The following MPP7 variants were observed in gnomAD, a reference collection of about 807,000 sequenced individuals.
The protein encoded by MPP7 is MAGUK p55 subfamily member 7.
Under a neutral mutation model 76.5 loss-of-function variants are expected in MPP7, and 60 were observed. The ratio of observed to expected loss-of-function variants is 0.78; its 90% CI spans 0.64 to 0.97. The LOEUF (loss-of-function observed/expected upper bound fraction) is 0.97, where lower values mean the gene tolerates loss of function less well. Ranked by LOEUF, MPP7 falls within the 50% of genes least tolerant of loss-of-function variation. The pLI, the probability that MPP7 is intolerant of heterozygous loss-of-function variation, is 0.00. For missense variants in MPP7, 641 were observed against 694.0 expected (o/e 0.92, Z 0.86); for synonymous variants, 237 against 244.5 (o/e 0.97, Z 0.29).
chr10:28,054,697 G>A (rs1005769085), intron 16 of MPP7, among the ~76,000 whole-genome samples: 9 of 152,062 alleles, frequency 5.9e-5, no homozygotes, highest in Admixed American at 3.3e-4. Flanking sequence ...TTTGTTTTGA[G>A]ATAGAGTCTC....
chr10:28,107,678 T>A (rs988450854), intron 11 of MPP7, among the ~76,000 whole-genome samples: 2 of 152,104 alleles, frequency 1.3e-5, no homozygotes, highest in African/African-American at 4.8e-5. Flanking sequence ...ATGGGCTAGC[T>A]TTGCGAAAGG....
intron 12 of MPP7, among the ~76,000 whole-genome samples, chr10:28,084,974 C>T (rs192038977): frequency 5.9e-5 from 9 of 152,264 alleles, no homozygotes; most frequent in Admixed American, 2.6e-4. Context: ...AAGTTGTAGA[C>T]GTGGGCAGGA....
chr10:28,294,247 C>G (rs1840989653), intron 1 of MPP7, among the ~76,000 whole-genome samples: 1 of 152,186 alleles, frequency 6.6e-6, no homozygotes, highest in Non-Finnish European at 1.5e-5. Context: ...GTGGAACCTG[C>G]AGTGAGCTGA....
At chr10:28,306,443 G>A (rs1375509999), upstream of MPP7, among the ~76,000 whole-genome samples, 1 of 152,148 alleles carries the variant, frequency 6.6e-6, no homozygotes, top group African/African-American at 2.4e-5. Flanking sequence ...TTGAGGCCAG[G>A]AAATCAACAC....
intron 1 of MPP7, among the ~76,000 whole-genome samples, chr10:28,286,214 T>C (rs1840787323): frequency 6.6e-6 from 1 of 151,920 alleles, no homozygotes; most frequent in African/African-American, 2.4e-5. Flanking sequence ...GGCATGGTGG[T>C]GGTCGCCTGT....
At chr10:28,061,673 C>A (rs1851791874) in intron 13 of MPP7, among the ~76,000 whole-genome samples, 1 of 152,042 alleles carries the variant, frequency 6.6e-6, no homozygotes, top group Admixed American at 6.6e-5. Context: ...CATAAACTTA[C>A]CAATTTCAGC....
intron 4 of MPP7, among the ~76,000 whole-genome samples, chr10:28,148,618 C>T (rs1835783514): frequency 6.6e-6 from 1 of 152,084 alleles, no homozygotes; most frequent in Non-Finnish European, 1.5e-5. Flanking sequence ...CACTGCTTTA[C>T]TTTTTTGAGG....
chr10:28,290,523 A>G (rs1169391183), intron 1 of MPP7, among the ~76,000 whole-genome samples: 2 of 152,136 alleles, frequency 1.3e-5, no homozygotes, highest in Non-Finnish European at 2.9e-5. Context: ...CGCAGGCTGG[A>G]GTGCAATGGC....
At chr10:28,100,963 C>A (rs1236079069) in intron 11 of MPP7, among the ~76,000 whole-genome samples, 1 of 152,016 alleles carries the variant, frequency 6.6e-6, no homozygotes, top group Non-Finnish European at 1.5e-5. Flanking sequence ...TAAGCTCTTA[C>A]TTATACCTTC....
rs192455408 is a variant in MPP7, at chr10:28,096,390, G to A, written c.953-6549C>T. On this transcript the variant is annotated intron_variant, in intron 11 of 16. Coordinates refer to ENST00000683449, the MANE Select transcript of MPP7 (RefSeq NM_001318170.2). ...AACTGTACATCACTGTTATTTTAAC[G>A]GTTAGTGGAGTTGAGGGTATTTTTT... 1.6e-3 allele frequency among the ~76,000 whole-genome samples: 251 copies of A among 152,146 alleles called. 2 individuals carry two copies. The highest frequency in any genetic ancestry group is 0.014 in the Middle Eastern group (4 of 294).
chr10:28,187,938 G>A (rs1358882399), intron 3 of MPP7, among the ~76,000 whole-genome samples: 1 of 152,162 alleles, frequency 6.6e-6, no homozygotes. Flanking sequence ...CTGAGTTATT[G>A]AAAGATGAAG....
At chr10:28,085,395 G>T (rs930688595) in intron 12 of MPP7, among the ~76,000 whole-genome samples, 1 of 152,150 alleles carries the variant, frequency 6.6e-6, no homozygotes, top group African/African-American at 2.4e-5. Flanking sequence ...AGGAAGGACA[G>T]GACCCTCTTA....
intron 2 of MPP7, among the ~76,000 whole-genome samples, chr10:28,209,425 C>T (rs1039964104): frequency 2.0e-5 from 3 of 150,480 alleles, no homozygotes; most frequent in Non-Finnish European, 4.4e-5. Context: ...GCTATGATTG[C>T]ACCACTGCAC....
chr10:28,229,882 C>A (rs1838821463), intron 2 of MPP7, among the ~76,000 whole-genome samples: 1 of 148,784 alleles, frequency 6.7e-6, no homozygotes, highest in Non-Finnish European at 1.5e-5. Context: ...GAGCTAGACT[C>A]CGTCTCAAAA....
At chr10:28,134,895 GA>G (rs1835307395) in intron 5 of MPP7, among the ~76,000 whole-genome samples, 1 of 152,024 alleles carries the variant, frequency 6.6e-6, no homozygotes, top group Admixed American at 6.6e-5. Context: ...AAAGTGCTTA[GA>G]AAAAATAATA....
intron 1 of MPP7, among the ~76,000 whole-genome samples, chr10:28,300,975 C>T (rs1420186385): frequency 2.0e-5 from 3 of 151,332 alleles, no homozygotes; most frequent in African/African-American, 7.3e-5. Context: ...GAGTTCCATT[C>T]AGTAATCCAT....
At chr10:28,283,757 C>G (rs1296941601) in intron 1 of MPP7, among the ~76,000 whole-genome samples, 1 of 152,138 alleles carries the variant, frequency 6.6e-6, no homozygotes, top group Non-Finnish European at 1.5e-5. Flanking sequence ...TCAAGTGATT[C>G]ACCCACCTCG....
chr10:28,121,416 A>G (rs1000990111), intron 8 of MPP7, among the ~76,000 whole-genome samples: 3 of 152,138 alleles, frequency 2.0e-5, no homozygotes, highest in African/African-American at 7.2e-5. Flanking sequence ...CATCAGAAAA[A>G]AAAAATAAAG....
upstream of MPP7, chr10:28,303,259 G>A (rs1158700507): frequency 6.6e-6 from 1 of 152,338 alleles, no homozygotes; most frequent in Non-Finnish European, 1.5e-5. Context: ...TGACAGCTCT[G>A]TAGCTCCTCC....
Sources: gnomAD v4.1 joint callset for allele counts (sites outside exome capture counted in the v4.1 genomes callset) on GRCh38, gnomAD v4.1.1 for gene constraint, MANE v1.5 for transcripts, NCBI Gene and HGNC (gene_info 2026-07-23, HGNC 2026-07-21) for gene names.